ZNF473: variants seen among roughly 807,000 people sequenced by gnomAD.
ZNF473 encodes the protein zinc finger protein 473, also known as zinc finger protein 100 homolog.
In ZNF473, 4 loss-of-function variants were observed where a neutral mutation model predicts 11.1. The observed-to-expected ratio is 0.36, with a 90% CI of 0.18 to 0.82. ZNF473 has a LOEUF of 0.82. ZNF473 is among the 40% of genes least tolerant of loss of function. The probability of loss-of-function intolerance (pLI) is 0.49; values close to 1 mark genes in which losing one functional copy is unlikely to be tolerated. For synonymous variants in ZNF473, 404 were observed against 390.4 expected, an observed-to-expected ratio of 1.03 and a Z score of -0.41; for missense variants, 854 against 1,084.0, an observed-to-expected ratio of 0.79 and a Z score of 2.98.
At chr19:50,033,875 C>A (rs1025742201) in intron 2 of ZNF473, among the ~76,000 whole-genome samples, 4 of 152,174 alleles carry the variant, frequency 2.6e-5, no homozygotes, top group African/African-American at 9.7e-5. Flanking sequence ...CTTGTGATGA[C>A]ATTTAGGACC....
chr19:50,041,800 C>T lies in ZNF473; in HGVS notation c.207C>T (p.Ser69=). 6.2e-7 allele frequency: 1 copy of T among 1,612,672 alleles called. No individual in the cohort carries two copies. The highest frequency in any genetic ancestry group is 1.1e-5 in the South Asian group (1 of 90,966). ...SEDLEPLAGG[S]PEATSPDVTE... ...ATCTGGAGCCTCTGGCAGGAGGAAG[C>T]CCAGAAGCAACAAGCCCTGGTGAGT... The change falls in exon 4 of 5, where the codon AGC becomes AGT. Residue 69 remains serine (S), a synonymous_variant. Transcript: ENST00000270617.
At chr19:50,030,581 A>G (rs2077312527) in intron 1 of ZNF473, among the ~76,000 whole-genome samples, 1 of 152,228 alleles carries the variant, frequency 6.6e-6, no homozygotes, top group Admixed American at 6.5e-5. Context: ...CAGAAATCCC[A>G]GAAGCATTGT....
rs1263810292 is a variant in ZNF473, at chr19:50,039,477, G to A, written c.136+190G>A. ...GACATTTTTGATTGTTACTCCTTGG[G>A]CCAGCGCAGCGTGCCGCTAGCATCT... On this transcript the variant is annotated intron_variant, in intron 3 of 4. Transcript: ENST00000270617. This position sits in a 1 kb window ranked among gnomAD's most constrained non-coding sequence, Gnocchi z 4.8. Among the ~76,000 whole-genome samples, 3 of 150,614 alleles carry A rather than the reference G, an allele frequency of 2.0e-5. No homozygotes were observed. Among genetic ancestry groups the A allele is most frequent in the Admixed American group, 1.3e-4 (2 of 15,272 alleles).
Position 50,045,306 on chromosome 19 carries a change from G to A in ZNF473, c.863G>A (p.Gly288Glu). 6.2e-7 allele frequency: 1 copy of A among 1,614,126 alleles called. No homozygotes were observed. Among genetic ancestry groups the A allele is most frequent in the Non-Finnish European group, 8.5e-7 (1 of 1,180,032 alleles). Residue 288 changes from glycine (G) to glutamate (E), a missense_variant, in exon 5 of 5, where the codon GGA (glycine) becomes GAA (glutamate). Physicochemically the swap from Gly to Glu is moderately conservative, Grantham distance 98. Around this residue, in one of 2 missense-constraint regions of ZNF473, gnomAD observed 668 missense variants for 790.2 expected, o/e 0.85. Coordinates refer to ENST00000270617, the MANE Select transcript of ZNF473 (RefSeq NM_015428.4). ...TYLWHQKTHT[G>E]EKPCKSQDSD... ...CTGTGGCATCAGAAAACTCACACTG[G>A]AGAAAAACCATGTAAGAGTCAAGAT...
chr19:50,046,272 A>G lies in ZNF473; in HGVS notation c.1829A>G (p.Gln610Arg), dbSNP rs528390417. The G allele has an allele frequency of 1.9e-6, 3 of 1,614,164 alleles. No individual in the cohort carries two copies. Among genetic ancestry groups the G allele is most frequent in the Admixed American group, 3.3e-5 (2 of 60,018 alleles). Residue 610 changes from glutamine to arginine, a missense_variant, in exon 5 of 5, where the codon CAA becomes CGA. Gln to Arg is a conservative substitution (Grantham distance 43). Coordinates refer to ENST00000270617, the MANE Select transcript of ZNF473 (RefSeq NM_015428.4). The surrounding 1 kb of genome is among the most constrained non-coding windows in gnomAD (Gnocchi z 5.9). The part of the protein sequence containing the change: ...FGQSTRLIHH[Q>R]RIHSRVRLYK... ...CAAAGTACTCGGCTCATTCACCATC[A>G]AAGAATCCACTCTAGAGTGAGGCTG...
intron 3 of ZNF473, chr19:50,041,499 C>T (rs1568408755): frequency 2.9e-6 from 1 of 343,638 alleles, no homozygotes; most frequent in African/African-American, 2.1e-5. Context: ...CCCCAGCTGT[C>T]ACAGCTTTGA....
intron 2 of ZNF473, among the ~76,000 whole-genome samples, chr19:50,037,429 C>A (rs981227096): frequency 6.6e-6 from 1 of 152,152 alleles, no homozygotes; most frequent in Non-Finnish European, 1.5e-5. Flanking sequence ...TTGGAAGAGA[C>A]ACATCAGTCA....
chr19:50,045,714 T>G lies in ZNF473; in HGVS notation c.1271T>G (p.Val424Gly), dbSNP rs773953547. ...TCTACCCTAAAGATCCATCAGAGGGTTCACAGTGGAGAGAAGCCTTACAAA... is the reference window on the plus strand; with the variant it reads ...TCTACCCTAAAGATCCATCAGAGGGGTCACAGTGGAGAGAAGCCTTACAAA... ...HNSTLKIHQR[V>G]HSGEKPYKCS... Residue 424 changes from valine (V) to glycine (G), a missense_variant, in exon 5 of 5, where the codon GTT becomes GGT. By Grantham distance (109) the Val-to-Gly change is moderately radical. This residue lies in a region of ZNF473 where 668 missense variants were observed against 790.2 expected (regional missense o/e 0.85). Coordinates refer to ENST00000270617, the MANE Select transcript of ZNF473 (RefSeq NM_015428.4). 2 of 1,613,930 alleles carry G rather than the reference T, an allele frequency of 1.2e-6. No homozygotes were observed. The highest frequency in any genetic ancestry group is 1.7e-6 in the Non-Finnish European group (2 of 1,179,988).
At chr19:50,033,129 T>C (rs545108180) in intron 2 of ZNF473, among the ~76,000 whole-genome samples, 8 of 152,018 alleles carry the variant, frequency 5.3e-5, no homozygotes, top group African/African-American at 1.9e-4. Flanking sequence ...ATTAAGTAAA[T>C]CCCATAGAAT....
chr19:50,032,702 G>A (rs1281592457), intron 2 of ZNF473, among the ~76,000 whole-genome samples: 1 of 151,860 alleles, frequency 6.6e-6, no homozygotes, highest in Non-Finnish European at 1.5e-5. Context: ...AGAAATTGGT[G>A]GTCTCCCAGT....
At position 50,047,651 on chromosome 19, in the gene ZNF473, C is replaced by T. The variant is rs1979216199; in HGVS notation, c.*592C>T. ...TGGCCTTTTTTGTCCCTTTATCTCT[C>T]CTGGTTTTTTTCTTAAGCCCCAGAA... is the stretch of plus-strand genomic sequence containing the variant. On this transcript the variant is annotated 3_prime_UTR_variant, in exon 5 of 5. Transcript: ENST00000270617. 1.3e-5 allele frequency: 2 copies of T among 152,448 alleles called. No homozygotes were observed. The highest frequency in any genetic ancestry group is 2.9e-5 in the Non-Finnish European group (2 of 68,256). The allele number at this position is 152,448 out of a possible 1,614,324, so 9.4% of individuals were successfully genotyped here.
Position 50,046,404 on chromosome 19 carries a change from C to T in ZNF473, c.1961C>T (p.Thr654Ile), listed in dbSNP as rs10424809. The change falls in exon 5 of 5, where the codon ACC (threonine) becomes ATC (isoleucine). Residue 654 changes from threonine (T) to isoleucine (I), a missense_variant. Thr to Ile is a moderately conservative substitution (Grantham distance 89, BLOSUM62 -1). Coordinates refer to ENST00000270617, the MANE Select transcript of ZNF473 (RefSeq NM_015428.4). The surrounding 1 kb of genome is among the most constrained non-coding windows in gnomAD (Gnocchi z 5.9). Reference protein sequence around the residue: ...HPFKCNECGKTFSHSAHLSKH... With the variant: ...HPFKCNECGKIFSHSAHLSKH... Reference sequence around the variant, plus strand: ...TTTAAATGTAACGAATGCGGAAAGACCTTCAGCCACAGTGCACACCTCTCA... The same window carrying T: ...TTTAAATGTAACGAATGCGGAAAGATCTTCAGCCACAGTGCACACCTCTCA... 15,895 of 1,614,102 alleles carry T rather than the reference C, an allele frequency of 9.8e-3. 1,353 individuals carry two copies. The African/African-American group carries it at 0.19, about 19-fold the overall frequency.
chr19:50,036,633 C>A (rs928022725), intron 2 of ZNF473, among the ~76,000 whole-genome samples: 1 of 151,912 alleles, frequency 6.6e-6, no homozygotes, highest in East Asian at 1.9e-4. Context: ...CAAGGTGGGG[C>A]CTTTAAGAGA....
rs1568410408 is a variant in ZNF473 at position 50,044,869 on chromosome 19, A to C, written c.426A>C (p.Glu142Asp). 1.2e-6 allele frequency: 2 copies of C among 1,614,234 alleles called. No homozygotes were observed. The highest frequency in any genetic ancestry group is 1.7e-6 in the Non-Finnish European group (2 of 1,180,046). ...LLRSDIATNG[E>D]SPTECKSHEL... Reference sequence around the variant, plus strand: ...GGTCTGATATTGCCACCAACGGGGAAAGTCCCACGGAATGCAAGAGTCATG... The same window carrying C: ...GGTCTGATATTGCCACCAACGGGGACAGTCCCACGGAATGCAAGAGTCATG... The change falls in exon 5 of 5, where the codon GAA becomes GAC. Residue 142 changes from glutamate (E) to aspartate (D), a missense_variant. Physicochemically the swap from Glu to Asp is conservative, Grantham distance 45 (BLOSUM62 2). Coordinates refer to ENST00000270617, the MANE Select transcript of ZNF473 (RefSeq NM_015428.4).
Position 50,046,089 on chromosome 19 carries a change from A to G in ZNF473, c.1646A>G (p.Lys549Arg). 1 of 1,614,248 alleles carries G rather than the reference A, an allele frequency of 6.2e-7. No homozygotes were observed. The change falls in exon 5 of 5, where the codon AAG (lysine) becomes AGG (arginine). Residue 549 changes from lysine to arginine, a missense_variant. This residue lies in a region of ZNF473 where 668 missense variants were observed against 790.2 expected (regional missense o/e 0.85). Transcript: ENST00000270617. The surrounding 1 kb of genome is among the most constrained non-coding windows in gnomAD (Gnocchi z 5.9). ...AAACAAGGATTTTTTGTGAGTGGGA[A>G]GATCTTGGATCAGAACCCAGAACAG... The part of the protein sequence containing the change: ...REKQGFFVSG[K>R]ILDQNPEQKE...
chr19:50,040,248 C>T (rs1483319414), intron 3 of ZNF473, among the ~76,000 whole-genome samples: 1 of 152,244 alleles, frequency 6.6e-6, no homozygotes, highest in Non-Finnish European at 1.5e-5. Context: ...CCAGAATTCT[C>T]TCAGGGGAGT....
intron 2 of ZNF473, among the ~76,000 whole-genome samples, chr19:50,036,373 G>A (rs1978440691): frequency 6.8e-6 from 1 of 146,746 alleles, no homozygotes; most frequent in African/African-American, 2.6e-5. Flanking sequence ...GAGTGCAGTG[G>A]CGCAATCCTG....
chr19:50,032,465 C>T (rs1224757557), intron 2 of ZNF473, among the ~76,000 whole-genome samples: 3 of 152,046 alleles, frequency 2.0e-5, no homozygotes, highest in Non-Finnish European at 4.4e-5. Context: ...CCTTCATGAG[C>T]TCCTTCCCTT....
chr19:50,036,633 C>T (rs928022725), intron 2 of ZNF473, among the ~76,000 whole-genome samples: 5 of 151,912 alleles, frequency 3.3e-5, no homozygotes, highest in Non-Finnish European at 5.9e-5. Flanking sequence ...CAAGGTGGGG[C>T]CTTTAAGAGA....
Sources: allele counts gnomAD v4.1 joint callset (sites outside exome capture counted in the v4.1 genomes callset), GRCh38; gene constraint gnomAD v4.1.1; regional missense constraint gnomAD v4.1.1; non-coding constraint Gnocchi (gnomAD v3.1); transcripts MANE v1.5; gene names NCBI Gene and HGNC (gene_info 2026-07-23, HGNC 2026-07-21).